Variants in RASAL2 observed in about 807,000 individuals in gnomAD.
RASAL2 encodes RAS protein activator like 2.
A neutral mutation model predicts 128.9 loss-of-function variants in RASAL2; 58 were observed. The ratio of observed to expected loss-of-function variants is 0.45; its 90% confidence interval spans 0.36 to 0.56. The LOEUF (loss-of-function observed/expected upper bound fraction) is 0.56. Among genes scored for constraint, RASAL2 ranks in the 20% least tolerant of loss-of-function variants. The probability of loss-of-function intolerance (pLI) is 0.00; values close to 1 mark genes in which losing one functional copy is unlikely to be tolerated. For missense variants in RASAL2, 1,360 were observed against 1,601.6 expected (o/e 0.85, Z 2.57); for synonymous variants, 561 against 580.8 (o/e 0.97, Z 0.49).
In RASAL2 at chr1:178,164,481, TTG is replaced by T. The variant is rs35942778; in HGVS notation, c.202+69810_202+69811del. Among the ~76,000 whole-genome samples the T allele has an allele frequency of 2.6e-3, 373 of 145,076 alleles. 3 individuals carry two copies. In the East Asian group the frequency reaches 0.032, roughly 13 times the overall value. On this transcript the variant is annotated intron_variant, in intron 1 of 17. Coordinates refer to ENST00000367649, the MANE Select transcript of RASAL2 (RefSeq NM_170692.4). ...CAAGAATTACAATGATAATTAGCAT[TTG>T]TGTGTGTGTGTGTGTGTGTGTGCGT...
At chr1:178,185,571 G>A (rs1426151633) in intron 1 of RASAL2, among the ~76,000 whole-genome samples, 1 of 151,780 alleles carries the variant, frequency 6.6e-6, no homozygotes, top group Non-Finnish European at 1.5e-5. Flanking sequence ...TCATGTCATG[G>A]GGAGTGAGGG....
intron 3 of RASAL2, among the ~76,000 whole-genome samples, chr1:178,375,884 AAC>A (rs774270175): frequency 5.3e-5 from 8 of 152,110 alleles, no homozygotes; most frequent in Non-Finnish European, 1.0e-4. Context: ...AGACAGAAAA[AAC>A]AGTTTTGGTA....
chr1:178,326,823 G>C (rs528721778), intron 3 of RASAL2, among the ~76,000 whole-genome samples: 2 of 152,004 alleles, frequency 1.3e-5, no homozygotes, highest in African/African-American at 4.8e-5. Context: ...GGATTACAGG[G>C]GTGAGCCACC....
intron 3 of RASAL2, among the ~76,000 whole-genome samples, chr1:178,333,002 A>C (rs1669407559): frequency 6.6e-6 from 1 of 151,736 alleles, no homozygotes; most frequent in Admixed American, 6.6e-5. Context: ...TTAGTCACTA[A>C]TGAATATTTC....
At chr1:178,406,650 C>T (rs529760969) in intron 4 of RASAL2, among the ~76,000 whole-genome samples, 2 of 151,892 alleles carry the variant, frequency 1.3e-5, no homozygotes, top group East Asian at 3.9e-4. Flanking sequence ...AATAATATAA[C>T]AAGAAGGTAA....
intron 5 of RASAL2, among the ~76,000 whole-genome samples, chr1:178,421,148 G>A (rs1044931624): frequency 2.7e-5 from 4 of 150,484 alleles, no homozygotes; most frequent in Non-Finnish European, 4.4e-5. Flanking sequence ...AACTTGGGCA[G>A]TTTGGCTCCA....
intron 3 of RASAL2, among the ~76,000 whole-genome samples, chr1:178,384,105 T>C (rs962311110): frequency 1.3e-5 from 2 of 152,216 alleles, no homozygotes; most frequent in Non-Finnish European, 2.9e-5. Flanking sequence ...TGTGAATAAT[T>C]ATAATTGAAA....
chr1:178,431,843 CAT>C (rs531829237), intron 5 of RASAL2, among the ~76,000 whole-genome samples: 13 of 149,464 alleles, frequency 8.7e-5, no homozygotes, highest in South Asian at 6.3e-4. Context: ...TATATATAGA[CAT>C]ATATGTTTGT....
intron 3 of RASAL2, among the ~76,000 whole-genome samples, chr1:178,339,573 T>C (rs900161488): frequency 2.0e-5 from 3 of 151,170 alleles, no homozygotes; most frequent in African/African-American, 7.4e-5. Flanking sequence ...TGATGGAGTT[T>C]TGAACTGTTG....
At chr1:178,466,996 G>A (rs1237161480) in intron 16 of RASAL2, among the ~76,000 whole-genome samples, 1 of 152,170 alleles carries the variant, frequency 6.6e-6, no homozygotes, top group East Asian at 1.9e-4. Context: ...AAGTGGGCCA[G>A]GTTTAGGGTA....
At chr1:178,289,693 G>T (rs1667190118) in intron 2 of RASAL2, among the ~76,000 whole-genome samples, 1 of 152,030 alleles carries the variant, frequency 6.6e-6, no homozygotes, top group South Asian at 2.1e-4. Flanking sequence ...TTTTCAACAT[G>T]CCCCACACTT....
At chr1:178,372,034 T>C (rs956356022) in intron 3 of RASAL2, 2 of 425,304 alleles carry the variant, frequency 4.7e-6, no homozygotes, top group Non-Finnish European at 6.3e-6. Context: ...TTAACCCTAT[T>C]TCTTTCCCCC....
intron 3 of RASAL2, among the ~76,000 whole-genome samples, chr1:178,324,780 C>T (rs1189627179): frequency 6.6e-6 from 1 of 151,912 alleles, no homozygotes; most frequent in African/African-American, 2.4e-5. Context: ...TTTACCAAAG[C>T]CTTTTAAGTT....
intron 3 of RASAL2, among the ~76,000 whole-genome samples, chr1:178,386,360 A>C (rs1457684632): frequency 1.3e-5 from 2 of 152,230 alleles, no homozygotes; most frequent in African/African-American, 4.8e-5. Flanking sequence ...TGGATAACCC[A>C]GTTTATTAAA....
Position 178,476,799 on chromosome 1 carries a change from G to A in RASAL2, c.*3560G>A. 1 of 152,184 alleles carries A rather than the reference G, an allele frequency of 6.6e-6. No individual in the cohort carries two copies. Among genetic ancestry groups the A allele is most frequent in the East Asian group, 1.9e-4 (1 of 5,202 alleles). The allele number at this position is 152,184 out of a possible 1,614,324, so 9.4% of individuals were successfully genotyped here. A position where few individuals can be genotyped will look rare whatever the true frequency, so the allele number is the denominator to read the frequency against. On this transcript the variant is annotated 3_prime_UTR_variant, in exon 18 of 18. Coordinates refer to ENST00000367649, the MANE Select transcript of RASAL2 (RefSeq NM_170692.4). ...TCTGTAGACCCCTGGCTTTCACTGT[G>A]TTCTCAGAGGTACACCAGATTGAGA...
intron 3 of RASAL2, among the ~76,000 whole-genome samples, chr1:178,309,683 T>C (rs143390692): frequency 1.4e-4 from 22 of 152,196 alleles, no homozygotes; most frequent in Non-Finnish European, 2.5e-4. Flanking sequence ...CACTACACTA[T>C]GCAAGTGGAG....
chr1:178,325,923 T>A (rs1669017273), intron 3 of RASAL2, among the ~76,000 whole-genome samples: 2 of 152,090 alleles, frequency 1.3e-5, no homozygotes, highest in African/African-American at 4.8e-5. Flanking sequence ...AGACCCCATC[T>A]TTACAAAAAA....
intron 1 of RASAL2, among the ~76,000 whole-genome samples, chr1:178,119,080 T>A (rs917059387): frequency 4.6e-5 from 7 of 151,956 alleles, no homozygotes; most frequent in African/African-American, 1.7e-4. Flanking sequence ...GTTGGCCAGG[T>A]TGGTCTCGAA....
intron 3 of RASAL2, among the ~76,000 whole-genome samples, chr1:178,359,117 A>G (rs1425584245): frequency 6.6e-6 from 1 of 152,240 alleles, no homozygotes; most frequent in Non-Finnish European, 1.5e-5. Context: ...GTATGAAAGT[A>G]AATTGTCTCC....
Sources: allele counts gnomAD v4.1 joint callset (sites outside exome capture counted in the v4.1 genomes callset), GRCh38; gene constraint gnomAD v4.1.1; transcripts MANE v1.5; gene names NCBI Gene and HGNC (gene_info 2026-07-23, HGNC 2026-07-21).